NAALADL2: variants seen among roughly 807,000 people sequenced by gnomAD.
NAALADL2 encodes the protein inactive N-acetylated-alpha-linked acidic dipeptidase-like protein 2.
In NAALADL2, 76 loss-of-function variants were observed where a neutral mutation model predicts 87.2. The ratio of observed to expected loss-of-function variants is 0.87; its 90% CI spans 0.72 to 1.05. The LOEUF is 1.05. Among genes scored for constraint, NAALADL2 ranks in the 50% least tolerant of loss-of-function variants. The probability of loss-of-function intolerance (pLI) is 0.00; values close to 1 mark genes in which losing one functional copy is unlikely to be tolerated. For missense variants in NAALADL2, 1,089 were observed against 945.8 expected (o/e 1.15, Z -1.99); for synonymous variants, 354 against 331.0 (o/e 1.07, Z -0.75).
At chr3:175,048,355 C>A (rs762357566) in intron 1 of NAALADL2, among the ~76,000 whole-genome samples, 2 of 152,046 alleles carry the variant, frequency 1.3e-5, no homozygotes, top group Non-Finnish European at 1.5e-5. Flanking sequence ...TTTTCTACTG[C>A]ATTTTCAAAA....
chr3:174,469,460 G>A (rs948185266), intron 1 of NAALADL2, among the ~76,000 whole-genome samples: 2 of 150,130 alleles, frequency 1.3e-5, no homozygotes, highest in African/African-American at 4.9e-5. Flanking sequence ...ATGGAGTCTC[G>A]CTCTGTCTCC....
intron 3 of NAALADL2, among the ~76,000 whole-genome samples, chr3:175,241,203 CT>C (rs1746813685): frequency 1.3e-5 from 2 of 148,766 alleles, no homozygotes; most frequent in Non-Finnish European, 2.9e-5. Flanking sequence ...ATAATTGCTT[CT>C]TTCATTTTTT....
intron 1 of NAALADL2, among the ~76,000 whole-genome samples, chr3:174,971,252 T>C (rs935015492): frequency 2.0e-5 from 3 of 152,190 alleles, no homozygotes; most frequent in Admixed American, 6.5e-5. Context: ...AGCCAAACCA[T>C]ATTGGGCATC....
At chr3:174,815,061 G>A (rs1028636930) in intron 3 of NAALADL2, among the ~76,000 whole-genome samples, 5 of 152,122 alleles carry the variant, frequency 3.3e-5, no homozygotes, top group African/African-American at 1.2e-4. Flanking sequence ...TAGCTCATGT[G>A]CTGGTGGGGA....
intron 5 of NAALADL2, among the ~76,000 whole-genome samples, chr3:175,407,309 T>C (rs970929158): frequency 6.6e-6 from 1 of 152,244 alleles, no homozygotes; most frequent in Admixed American, 6.5e-5. Context: ...TGATAGGTGG[T>C]TGATGCCCAG....
At chr3:175,020,969 G>A (rs1424769264) in intron 1 of NAALADL2, among the ~76,000 whole-genome samples, 1 of 152,014 alleles carries the variant, frequency 6.6e-6, no homozygotes, top group African/African-American at 2.4e-5. Flanking sequence ...TGTCTTCTGA[G>A]GAGGAGAGAC....
At chr3:174,951,971 T>C (rs1243705941) in intron 1 of NAALADL2, among the ~76,000 whole-genome samples, 1 of 152,142 alleles carries the variant, frequency 6.6e-6, no homozygotes, top group African/African-American at 2.4e-5. Context: ...TTTGTGTTAC[T>C]CTATGCCTCT....
At chr3:175,058,908 C>T (rs1295168164) in intron 1 of NAALADL2, among the ~76,000 whole-genome samples, 1 of 152,124 alleles carries the variant, frequency 6.6e-6, no homozygotes, top group Non-Finnish European at 1.5e-5. Flanking sequence ...GATTAGATGG[C>T]TCAGTTTTGC....
chr3:175,713,533 C>A (rs2150008005), intron 11 of NAALADL2, among the ~76,000 whole-genome samples: 1 of 152,092 alleles, frequency 6.6e-6, no homozygotes, highest in Admixed American at 6.6e-5. Flanking sequence ...AATTCCATGC[C>A]TTCTGATATA....
intron 4 of NAALADL2, among the ~76,000 whole-genome samples, chr3:175,321,634 C>T (rs1318360662): frequency 4.3e-4 from 31 of 72,614 alleles, no homozygotes; most frequent in Admixed American, 4.8e-4. Context: ...GCAACTTCAG[C>T]AAAGTCTCAG....
intron 1 of NAALADL2, among the ~76,000 whole-genome samples, chr3:174,891,683 A>G (rs546996784): frequency 2.0e-5 from 3 of 152,216 alleles, no homozygotes; most frequent in African/African-American, 7.2e-5. Flanking sequence ...CTTAGGTCCA[A>G]AGTGCTCTTG....
intron 11 of NAALADL2, among the ~76,000 whole-genome samples, chr3:175,670,840 TA>T (rs745461968): frequency 4.0e-5 from 6 of 151,432 alleles, no homozygotes; most frequent in African/African-American, 7.3e-5. Context: ...AGTAAAATGT[TA>T]TTTGTCTCAT....
At chr3:175,063,781 C>G (rs1158109187) in intron 1 of NAALADL2, among the ~76,000 whole-genome samples, 1 of 152,008 alleles carries the variant, frequency 6.6e-6, no homozygotes, top group Non-Finnish European at 1.5e-5. Context: ...TTGCACCCGG[C>G]CCAGTCTGTT....
intron 1 of NAALADL2, among the ~76,000 whole-genome samples, chr3:174,893,158 G>C (rs1055119663): frequency 1.3e-5 from 2 of 151,996 alleles, no homozygotes; most frequent in African/African-American, 4.8e-5. Context: ...TATCTAAAGA[G>C]GTGAAGGACA....
At chr3:174,622,375 G>T (rs1050862479) in intron 2 of NAALADL2, among the ~76,000 whole-genome samples, 6 of 152,130 alleles carry the variant, frequency 3.9e-5, no homozygotes, top group Admixed American at 2.6e-4. Flanking sequence ...GAGATTATAT[G>T]TGCCTATCAA....
chr3:174,882,536 C>T (rs557942584), intron 1 of NAALADL2, among the ~76,000 whole-genome samples: 5 of 142,974 alleles, frequency 3.5e-5, no homozygotes, highest in Non-Finnish European at 6.0e-5. Flanking sequence ...CACATATATG[C>T]ATACACACAT....
At chr3:175,705,897 A>C (rs940383047) in intron 11 of NAALADL2, among the ~76,000 whole-genome samples, 4 of 152,144 alleles carry the variant, frequency 2.6e-5, no homozygotes, top group Admixed American at 6.6e-5. Context: ...GTTAACTAAA[A>C]CATTGATGAA....
At chr3:174,808,888 A>G (rs891392116) in intron 3 of NAALADL2, among the ~76,000 whole-genome samples, 5 of 151,882 alleles carry the variant, frequency 3.3e-5, no homozygotes, top group Middle Eastern at 3.4e-3. Context: ...GTGTGTGTCT[A>G]TCTGTGTTTA....
chr3:175,515,648 A>G (rs1407141410), intron 9 of NAALADL2, among the ~76,000 whole-genome samples: 2 of 152,186 alleles, frequency 1.3e-5, no homozygotes, highest in East Asian at 3.8e-4. Context: ...AATTAGGCAC[A>G]AACCAATGAA....
Sources: allele counts gnomAD v4.1 joint callset (sites outside exome capture counted in the v4.1 genomes callset), GRCh38; gene constraint gnomAD v4.1.1; transcripts MANE v1.5; gene names NCBI Gene and HGNC (gene_info 2026-07-23, HGNC 2026-07-21).